Variants in NTF3 observed in about 807,000 individuals in gnomAD.
NTF3 encodes neurotrophin 3, also known as neurotrophin-3.
A neutral mutation model predicts 26.3 loss-of-function variants in NTF3; 8 were observed. The ratio of observed to expected loss-of-function variants is 0.30; its 90% CI spans 0.18 to 0.55. The LOEUF is 0.55. Ranked by LOEUF, NTF3 falls within the 20% of genes least tolerant of loss-of-function variation. The pLI, the probability that NTF3 is intolerant of heterozygous loss-of-function variation, is 0.93. For synonymous variants in NTF3, 154 were observed against 145.5 expected (o/e 1.06, Z -0.42); for missense variants, 276 against 352.9 (o/e 0.78, Z 1.75).
chr12:5,491,702 G>A (rs543705026), intron 1 of NTF3, among the ~76,000 whole-genome samples: 6 of 150,844 alleles, frequency 4.0e-5, no homozygotes, highest in Admixed American at 2.0e-4. Flanking sequence ...ACTTTCCTGT[G>A]GGTCTCTCCT....
intron 1 of NTF3, among the ~76,000 whole-genome samples, chr12:5,468,796 T>A (rs541092355): frequency 6.6e-6 from 1 of 152,214 alleles, no homozygotes; most frequent in Admixed American, 6.5e-5. Flanking sequence ...TCAACACTCA[T>A]CACTCAGAGG....
intron 1 of NTF3, among the ~76,000 whole-genome samples, chr12:5,487,646 T>C (rs4077470): frequency 0.44 from 66,417 of 152,108 alleles, 14,554 homozygotes; most frequent in South Asian, 0.51. Flanking sequence ...GGCCGAGGAT[T>C]GACCATGTAT....
chr12:5,458,105 T>C (rs1241762829), intron 1 of NTF3, among the ~76,000 whole-genome samples: 4 of 152,142 alleles, frequency 2.6e-5, no homozygotes, highest in Non-Finnish European at 5.9e-5. Context: ...TCCCCACCTC[T>C]CTCTCACTCA....
Position 5,494,485 on chromosome 12 carries a change from G to C in NTF3, c.310G>C (p.Glu104Gln). 1 of 1,613,742 alleles carries C rather than the reference G, an allele frequency of 6.2e-7. No individual in the cohort carries two copies. Among genetic ancestry groups the C allele is most frequent in the Middle Eastern group, 1.6e-4 (1 of 6,062 alleles). Residue 104 changes from glutamate to glutamine, a missense_variant, in exon 2 of 2, where the codon GAA becomes CAA. Coordinates refer to ENST00000423158, the MANE Select transcript of NTF3 (RefSeq NM_001102654.2). This position sits in a 1 kb window ranked among gnomAD's most constrained non-coding sequence, Gnocchi z 8.3. The part of the protein sequence containing the change: ...AFQPVIAMDT[E>Q]LLRQQRRYNS... ...CCAGCCGGTGATTGCAATGGACACC[G>C]AACTGCTGCGACAACAGAGACGCTA...
At chr12:5,476,439 A>G (rs1321513016) in intron 1 of NTF3, among the ~76,000 whole-genome samples, 1 of 152,232 alleles carries the variant, frequency 6.6e-6, no homozygotes, top group African/African-American at 2.4e-5. Context: ...GTAAGGGCTG[A>G]GCAGAGCAGA....
intron 1 of NTF3, among the ~76,000 whole-genome samples, chr12:5,477,454 A>AT (rs2121224786): frequency 6.6e-6 from 1 of 152,344 alleles, no homozygotes; most frequent in Non-Finnish European, 1.5e-5. Context: ...AGTGAATATA[A>AT]TTTTGCAGTG....
At chr12:5,440,835 G>T (rs565160407) in intron 1 of NTF3, among the ~76,000 whole-genome samples, 1 of 152,350 alleles carries the variant, frequency 6.6e-6, no homozygotes, top group East Asian at 1.9e-4. Flanking sequence ...CCACACTGTG[G>T]CCCATGCCTG....
At chr12:5,486,153 A>G (rs1482082071) in intron 1 of NTF3, among the ~76,000 whole-genome samples, 2 of 152,240 alleles carry the variant, frequency 1.3e-5, no homozygotes. Flanking sequence ...CTGCTGGCCA[A>G]GTCTAAAGGA....
At chr12:5,438,849 A>G (rs988693652) in intron 1 of NTF3, among the ~76,000 whole-genome samples, 2 of 152,212 alleles carry the variant, frequency 1.3e-5, no homozygotes, top group Non-Finnish European at 2.9e-5. Flanking sequence ...TCCCAGTCCC[A>G]TTCCAGCCCT....
chr12:5,461,046 G>A (rs1940518199), intron 1 of NTF3, among the ~76,000 whole-genome samples: 1 of 152,170 alleles, frequency 6.6e-6, no homozygotes, highest in Admixed American at 6.5e-5. Context: ...CTTGGATTTG[G>A]GTGGAGTGTG....
intron 1 of NTF3, among the ~76,000 whole-genome samples, chr12:5,455,956 C>T (rs1940441133): frequency 6.6e-6 from 1 of 152,128 alleles, no homozygotes; most frequent in African/African-American, 2.4e-5. Context: ...GGGTCATGAT[C>T]GCCCACCCCA....
In NTF3 at chr12:5,495,267, ATGAC is replaced by A; in HGVS notation, c.*282_*285del. On this transcript the variant is annotated 3_prime_UTR_variant, in exon 2 of 2. Transcript: ENST00000423158. ...TTTTGCATTCAGTATTGTCAAGGCC[ATGAC>A]TGTTGTTTTAGTAAACTTGTTAAAA... is the stretch of plus-strand genomic sequence containing the variant. The A allele has an allele frequency of 2.6e-6, 1 of 387,486 alleles. No homozygotes were observed. The highest frequency in any genetic ancestry group is 3.5e-5 in the South Asian group (1 of 28,420). The allele number at this position is 387,486 out of a possible 1,614,324, so 24.0% of individuals were successfully genotyped here. A position where few individuals can be genotyped will look rare whatever the true frequency, so the allele number is the denominator to read the frequency against.
At chr12:5,476,098 C>T (rs1210966424) in intron 1 of NTF3, among the ~76,000 whole-genome samples, 1 of 152,112 alleles carries the variant, frequency 6.6e-6, no homozygotes, top group Non-Finnish European at 1.5e-5. Flanking sequence ...CCCTGCCACT[C>T]AGAAGAAATT....
At chr12:5,442,073 AAGATGCAG>A (rs1203625619) in intron 1 of NTF3, among the ~76,000 whole-genome samples, 1 of 152,152 alleles carries the variant, frequency 6.6e-6, no homozygotes, top group East Asian at 1.9e-4. Context: ...AATGTTGGGG[AAGATGCAG>A]AGATGAATGT....
In NTF3 at chr12:5,495,163, C is replaced by T. The variant is rs1266552956; in HGVS notation, c.*175C>T. 3 of 684,126 alleles carry T rather than the reference C, an allele frequency of 4.4e-6. No homozygotes were observed. The highest frequency in any genetic ancestry group is 5.7e-5 in the East Asian group (2 of 34,796). The allele number at this position is 684,126 out of a possible 1,614,324, so 42.4% of individuals were successfully genotyped here. On this transcript the variant is annotated 3_prime_UTR_variant, in exon 2 of 2. Transcript: ENST00000423158. ...TAAAATCAGTGTGCTTGCCTTCCCT[C>T]AGGCCTCTCCCATCTGTTAAAACTT...
intron 1 of NTF3, among the ~76,000 whole-genome samples, chr12:5,454,040 T>C (rs2121174932): frequency 6.6e-6 from 1 of 152,280 alleles, no homozygotes; most frequent in East Asian, 1.9e-4. Flanking sequence ...TGTATGAGTC[T>C]CCTGGGGCTG....
chr12:5,467,561 A>G (rs1046450629), intron 1 of NTF3, among the ~76,000 whole-genome samples: 1 of 152,218 alleles, frequency 6.6e-6, no homozygotes, highest in Non-Finnish European at 1.5e-5. Flanking sequence ...AATTTGTTAC[A>G]AAAGCAGCAG....
At chr12:5,444,897 A>C (rs541809094) in intron 1 of NTF3, among the ~76,000 whole-genome samples, 12 of 152,298 alleles carry the variant, frequency 7.9e-5, no homozygotes, top group African/African-American at 2.4e-4. Flanking sequence ...GGTTACTTTG[A>C]CCAGTACTGG....
At chr12:5,483,352 A>G (rs916007524) in intron 1 of NTF3, among the ~76,000 whole-genome samples, 3 of 152,134 alleles carry the variant, frequency 2.0e-5, no homozygotes, top group Non-Finnish European at 4.4e-5. Context: ...CAGGAGACCA[A>G]CGGTGCCAGG....
Sources: gnomAD v4.1 joint callset for allele counts (sites outside exome capture counted in the v4.1 genomes callset) on GRCh38, gnomAD v4.1.1 for gene constraint, Gnocchi (gnomAD v3.1) non-coding constraint, MANE v1.5 for transcripts, NCBI Gene and HGNC (gene_info 2026-07-23, HGNC 2026-07-21) for gene names.